The following STX6 variants were observed in gnomAD, a reference collection of about 807,000 sequenced individuals.
STX6 encodes the protein syntaxin-6.
STX6 carries 23 observed loss-of-function variants against 38.0 expected under a neutral mutation model. That is an observed-to-expected ratio of 0.60 (90% CI 0.43 to 0.86). The LOEUF (loss-of-function observed/expected upper bound fraction) is 0.86, where lower values mean the gene tolerates loss of function less well. Among genes scored for constraint, STX6 ranks in the 40% least tolerant of loss-of-function variants. The pLI is 0.00. For missense variants in STX6, 274 were observed against 312.9 expected, an observed-to-expected ratio of 0.88 and a Z score of 0.94; for synonymous variants, 123 against 107.5, an observed-to-expected ratio of 1.14 and a Z score of -0.89.
intron 4 of STX6, 136 bp from the exon 5 acceptor site, chr1:180,990,245 G>T: frequency 1.9e-6 from 2 of 1,052,902 alleles, no homozygotes; most frequent in Non-Finnish European, 2.7e-6. Flanking sequence ...TTTATGTAGT[G>T]GTGTAGGTTG....
chr1:180,984,600 A>AT (rs1455830669), intron 7 of STX6, 77 bp downstream of exon 7: 15 of 595,460 alleles, frequency 2.5e-5, no homozygotes, highest in Non-Finnish European at 4.6e-5. Context: ...CTGGATGGGC[A>AT]TAACTATGAG....
At chr1:180,982,235 C>T (rs1376632565) in intron 7 of STX6, among the ~76,000 whole-genome samples, 1 of 152,152 alleles carries the variant, frequency 6.6e-6, no homozygotes, top group African/African-American at 2.4e-5. Flanking sequence ...ATTACTAAAG[C>T]AGTGAACTTC....
chr1:181,003,730 C>G (rs1049217062), intron 2 of STX6, among the ~76,000 whole-genome samples: 12 of 152,188 alleles, frequency 7.9e-5, no homozygotes, highest in Non-Finnish European at 1.8e-4. Context: ...TCAGAACATG[C>G]AAGTGGCATA....
chr1:181,019,226 A>G (rs1264353912), intron 1 of STX6, among the ~76,000 whole-genome samples: 1 of 152,150 alleles, frequency 6.6e-6, no homozygotes, highest in Non-Finnish European at 1.5e-5. Flanking sequence ...ACATTGCCCA[A>G]CTTAGGCCTT....
intron 4 of STX6, among the ~76,000 whole-genome samples, chr1:180,991,365 T>C (rs940688948): frequency 9.2e-5 from 14 of 152,174 alleles, no homozygotes; most frequent in African/African-American, 3.1e-4. Flanking sequence ...CTATCAAGAC[T>C]GAAAAGATCC....
At chr1:180,989,467 G>A (rs1655685918) in intron 5 of STX6, 1 of 144,430 alleles carries the variant, frequency 6.9e-6, no homozygotes, top group South Asian at 2.2e-4. Flanking sequence ...CTGCACTCCA[G>A]CCTGGGTGAC....
At chr1:180,996,956 AT>A (rs1398305479) in intron 3 of STX6, among the ~76,000 whole-genome samples, 2 of 152,216 alleles carry the variant, frequency 1.3e-5, no homozygotes, top group African/African-American at 4.8e-5. Flanking sequence ...TCACTGAAGC[AT>A]GGTTTGCAAT....
Position 180,976,219 on chromosome 1 carries a change from C to T in STX6, c.*351G>A. 1 of 265,952 alleles carries T rather than the reference C, an allele frequency of 3.8e-6. No individual in the cohort carries two copies. The highest frequency in any genetic ancestry group is 5.4e-5 in the South Asian group (1 of 18,430). The allele number at this position is 265,952 out of a possible 1,614,324, so 16.5% of individuals were successfully genotyped here. A position where few individuals can be genotyped will look rare whatever the true frequency, so the allele number is the denominator to read the frequency against. On this transcript the variant is annotated 3_prime_UTR_variant, in exon 8 of 8. Transcript: ENST00000258301. ...CAGAAGAAAAGAGCTGCCAAAGATG[C>T]ATGGAATGAGCAACAGCAAAACACC... is the stretch of plus-strand genomic sequence containing the variant.
chr1:180,986,813 G>A (rs1655602230), intron 6 of STX6, among the ~76,000 whole-genome samples: 1 of 152,180 alleles, frequency 6.6e-6, no homozygotes, highest in African/African-American at 2.4e-5. Context: ...TTAACTGGAA[G>A]TCCCTCTGAC....
chr1:180,993,143 GAGA>G (rs1290849831), intron 4 of STX6, among the ~76,000 whole-genome samples: 1 of 152,178 alleles, frequency 6.6e-6, no homozygotes, highest in Non-Finnish European at 1.5e-5. Context: ...ATGGAGCCCA[GAGA>G]AGAAGACCAG....
At position 181,022,702 on chromosome 1, in the gene STX6, C is replaced by G. The variant is rs760093880; in HGVS notation, c.-29G>C. The G allele has an allele frequency of 5.0e-6, 8 of 1,596,890 alleles. No individual in the cohort carries two copies. The highest frequency in any genetic ancestry group is 2.3e-5 in the East Asian group (1 of 43,710). On this transcript the variant is annotated 5_prime_UTR_variant, in exon 1 of 8. Coordinates refer to ENST00000258301, the MANE Select transcript of STX6 (RefSeq NM_005819.6). The stretch of plus-strand genomic sequence containing the variant: ...GTCCCGGCCCCGGCCGCCTTCACCT[C>G]CTCCGCGCACAGGGCGCCCGTGCCT...
chr1:180,997,499 C>A (rs184961889), intron 3 of STX6, among the ~76,000 whole-genome samples: 1 of 152,252 alleles, frequency 6.6e-6, no homozygotes, highest in East Asian at 1.9e-4. Context: ...AATTTCACAT[C>A]TGAATTGAGA....
chr1:180,988,493 C>G (rs1220807922), intron 5 of STX6, 148 bp from the exon 6 acceptor site: 1 of 605,350 alleles, frequency 1.7e-6, no homozygotes, highest in East Asian at 3.0e-5. Context: ...CAGACCGTTG[C>G]CTCTGAGAAC....
In STX6 at chr1:180,976,482, T is replaced by C. The variant is rs545993536; in HGVS notation, c.*88A>G. 8.9e-7 allele frequency: 1 copy of C among 1,128,784 alleles called. No individual in the cohort carries two copies. The highest frequency in any genetic ancestry group is 2.3e-5 in the East Asian group (1 of 42,610). 69.9% of individuals were successfully genotyped at this position (1,128,784 alleles called of 1,614,324 possible). On this transcript the variant is annotated 3_prime_UTR_variant, in exon 8 of 8. Coordinates refer to ENST00000258301, the MANE Select transcript of STX6 (RefSeq NM_005819.6). ...GCAGTATGTTTCCAGGATAGGAATG[T>C]GAGTAGACGGCAATGTCACACGTGC...
chr1:181,013,919 G>A (rs146985689), intron 1 of STX6, among the ~76,000 whole-genome samples: 79 of 152,302 alleles, frequency 5.2e-4, no homozygotes, highest in Non-Finnish European at 9.8e-4. Flanking sequence ...CTATACTTGT[G>A]TTCCAAGATG....
chr1:181,009,173 C>A (rs1287209784), intron 1 of STX6, among the ~76,000 whole-genome samples: 19 of 151,352 alleles, frequency 1.3e-4, no homozygotes, highest in Admixed American at 1.2e-3. Flanking sequence ...TAAGAAAAAC[C>A]CAATTAAACA....
Position 181,005,432 on chromosome 1 carries a change from C to G in STX6, c.67G>C (p.Gly23Arg). 2 of 1,613,858 alleles carry G rather than the reference C, an allele frequency of 1.2e-6. No individual in the cohort carries two copies. The highest frequency in any genetic ancestry group is 1.7e-6 in the Non-Finnish European group (2 of 1,179,846). ...EVQKAVNTAQ[G>R]LFQRWTELLQ... ...AGCTCTGTCCATCTCTGAAACAATCCCTGGGCAGTGTTGACTGCTTTCTGT... is the reference window on the plus strand; with the variant it reads ...AGCTCTGTCCATCTCTGAAACAATCGCTGGGCAGTGTTGACTGCTTTCTGT... Residue 23 changes from glycine (G) to arginine (R), a missense_variant, in exon 2 of 8, where the codon GGA becomes CGA. Coordinates refer to ENST00000258301, the MANE Select transcript of STX6 (RefSeq NM_005819.6).
chr1:181,011,317 T>C (rs543738036), intron 1 of STX6, among the ~76,000 whole-genome samples: 72 of 152,298 alleles, frequency 4.7e-4, no homozygotes, highest in Non-Finnish European at 5.7e-4. Flanking sequence ...GAATCCCATC[T>C]CAATAGCAAG....
At chr1:180,993,542 C>A in intron 3 of STX6, 117 bp from the exon 4 acceptor site, 2 of 512,778 alleles carry the variant, frequency 3.9e-6, no homozygotes, top group South Asian at 3.3e-5. Context: ...AAGAAGACCG[C>A]ATTTCTTGGC....
Sources: allele counts gnomAD v4.1 joint callset (sites outside exome capture counted in the v4.1 genomes callset), GRCh38; gene constraint gnomAD v4.1.1; transcripts MANE v1.5; gene names NCBI Gene and HGNC (gene_info 2026-07-23, HGNC 2026-07-21).